The following LAMB4 variants were observed in gnomAD, a reference collection of about 807,000 sequenced individuals.
LAMB4 encodes laminin subunit beta-4.
Under a neutral mutation model 199.2 loss-of-function variants are expected in LAMB4, and 196 were observed. The observed-to-expected ratio is 0.98, with a 90% CI of 0.88 to 1.11. The LOEUF (loss-of-function observed/expected upper bound fraction) is 1.11, where lower values mean the gene tolerates loss of function less well. Among genes scored for constraint, LAMB4 ranks in the 50% least tolerant of loss-of-function variants. The probability of loss-of-function intolerance (pLI) is 0.00; values close to 1 mark genes in which losing one functional copy is unlikely to be tolerated. For missense variants in LAMB4, 2,080 were observed against 2,171.2 expected (o/e 0.96, Z 0.83); for synonymous variants, 744 against 770.6 (o/e 0.97, Z 0.57).
downstream of LAMB4, among the ~76,000 whole-genome samples, chr7:108,020,795 G>C (rs944078411): frequency 1.3e-5 from 2 of 152,186 alleles, no homozygotes; most frequent in African/African-American, 2.4e-5. Flanking sequence ...CTAAGGAAGT[G>C]TGTTTTTACT....
Position 108,111,862 on chromosome 7 carries a change from T to C in LAMB4, c.277A>G (p.Ile93Val), listed in dbSNP as rs973991960. ...QPNSHTIENV[I>V]VSFEPDREKK... ...TCTCTGTCTGGTTCAAAACTTACAA[T>C]GACATTCTCAATGGTGTGGCTGTTG... Residue 93 changes from isoleucine (I) to valine (V), a missense_variant, in exon 4 of 34, where the codon ATT becomes GTT. Coordinates refer to ENST00000388781, the MANE Select transcript of LAMB4 (RefSeq NM_007356.3). The C allele has an allele frequency of 1.2e-6, 2 of 1,612,044 alleles. No homozygotes were observed. The highest frequency in any genetic ancestry group is 2.2e-5 in the East Asian group (1 of 44,742).
Position 108,103,043 on chromosome 7 carries a change from C to T in LAMB4, c.1180+1G>A, listed in dbSNP as rs776821147. 24 of 1,573,718 alleles carry T rather than the reference C, an allele frequency of 1.5e-5. No individual in the cohort carries two copies. The highest frequency in any genetic ancestry group is 1.7e-5 in the Admixed American group (1 of 58,450). ...GGATCCAGGCAGACCCGGGGACTCA[C>T]GAATGCACGCGTAGGGATCTGAGAT... On this transcript the variant is annotated splice_donor_variant, in intron 10 of 33. Coordinates refer to ENST00000388781, the MANE Select transcript of LAMB4 (RefSeq NM_007356.3). LOFTEE classifies it high-confidence loss of function.
At position 108,043,845 on chromosome 7, in the gene LAMB4, G is replaced by A; in HGVS notation, c.4378C>T (p.Leu1460=). 1 of 1,608,512 alleles carries A rather than the reference G, an allele frequency of 6.2e-7. No individual in the cohort carries two copies. Among genetic ancestry groups the A allele is most frequent in the Non-Finnish European group, 8.5e-7 (1 of 1,177,654 alleles). Residue 1460 remains leucine (L), a synonymous_variant, in exon 29 of 34, where the codon CTG becomes TTG. Coordinates refer to ENST00000388781, the MANE Select transcript of LAMB4 (RefSeq NM_007356.3). ...CTTATATTTCCCAGTTTTTCCCTCA[G>A]CTGTAAGGCATTGTTTTTGGAGACT... ...AEVSKNNALQ[L]REKLGNIRNQ...
chr7:108,119,734 A>C (rs558265458), intron 2 of LAMB4, among the ~76,000 whole-genome samples: 1 of 152,322 alleles, frequency 6.6e-6, no homozygotes, highest in South Asian at 2.1e-4. Flanking sequence ...ATAAAATGGC[A>C]TAGACTCAAA....
Position 108,062,783 on chromosome 7 carries a change from G to A in LAMB4, c.3273C>T (p.His1091=), listed in dbSNP as rs1388774109. 5 of 1,431,362 alleles carry A rather than the reference G, an allele frequency of 3.5e-6. No homozygotes were observed. The highest frequency in any genetic ancestry group is 4.6e-6 in the Non-Finnish European group (5 of 1,086,184). 88.7% of individuals were successfully genotyped at this position (1,431,362 alleles called of 1,614,324 possible). ...CTTTAAAGTATCTTGCCTGGTCACA[G>A]TGGCTACTTTGAGAGGTCCTAGGGT... ...DCDPRTSQSS[H]CDQLTGQCPC... The change falls in exon 23 of 34, where the codon CAC becomes CAT. Residue 1091 remains histidine (H), a synonymous_variant. Coordinates refer to ENST00000388781, the MANE Select transcript of LAMB4 (RefSeq NM_007356.3).
intron 30 of LAMB4, among the ~76,000 whole-genome samples, chr7:108,035,459 T>C (rs557308177): frequency 4.1e-4 from 63 of 151,838 alleles, no homozygotes; most frequent in African/African-American, 1.4e-3. Context: ...TGAGAATCAC[T>C]TGAATCTGGG....
At chr7:108,045,636 G>T (rs1358240740) in intron 28 of LAMB4, among the ~76,000 whole-genome samples, 1 of 152,236 alleles carries the variant, frequency 6.6e-6, no homozygotes, top group East Asian at 1.9e-4. Context: ...CTATTTTTTT[G>T]AGAAGGAGCA....
At chr7:108,016,842 G>C in the LAMB4 span, among the ~76,000 whole-genome samples, 2 of 152,138 alleles carry the variant, frequency 1.3e-5, no homozygotes, top group Admixed American at 1.3e-4. Flanking sequence ...CAGTACTAAA[G>C]ATTAGATTTT....
chr7:108,125,245 T>C (rs1335495094), intron 1 of LAMB4, among the ~76,000 whole-genome samples: 1 of 152,198 alleles, frequency 6.6e-6, no homozygotes, highest in Non-Finnish European at 1.5e-5. Flanking sequence ...TTCTAGGTGG[T>C]ACTTTCTTAC....
At chr7:108,054,059 A>G (rs144190203) in intron 25 of LAMB4, among the ~76,000 whole-genome samples, 2,355 of 152,276 alleles carry the variant, frequency 0.015, 70 homozygotes, top group African/African-American at 0.054. Flanking sequence ...GTCTCATTCT[A>G]TCATCCAGAC....
intron 25 of LAMB4, among the ~76,000 whole-genome samples, chr7:108,054,250 G>C (rs1245423529): frequency 6.6e-6 from 1 of 152,124 alleles, no homozygotes; most frequent in African/African-American, 2.4e-5. Context: ...GAAGTCTTTA[G>C]AGAAGTATAG....
At chr7:108,092,910 A>T (rs2037464195) in intron 12 of LAMB4, among the ~76,000 whole-genome samples, 1 of 152,132 alleles carries the variant, frequency 6.6e-6, no homozygotes, top group South Asian at 2.1e-4. Flanking sequence ...TCTCAAAAAA[A>T]TTTTATAAAA....
intron 25 of LAMB4, among the ~76,000 whole-genome samples, chr7:108,053,996 G>T (rs1360974048): frequency 6.6e-6 from 1 of 152,184 alleles, no homozygotes; most frequent in South Asian, 2.1e-4. Flanking sequence ...TAACATAGGG[G>T]TCTAGATCTT....
chr7:108,030,753 TTTCAAAGAAGCC>T, intron 32 of LAMB4, 41 bp downstream of exon 32: 4 of 1,563,236 alleles, frequency 2.6e-6, no homozygotes, highest in Non-Finnish European at 3.5e-6. Flanking sequence ...AAGAACTATC[TTTCAAAGAAGCC>T]CTGCTTTTCT....
intron 31 of LAMB4, among the ~76,000 whole-genome samples, chr7:108,031,575 T>C (rs2035042604): frequency 1.3e-5 from 2 of 152,044 alleles, no homozygotes; most frequent in African/African-American, 4.8e-5. Flanking sequence ...TAGCATTTTT[T>C]CTACAACCTA....
intron 1 of LAMB4, among the ~76,000 whole-genome samples, chr7:108,125,081 T>A (rs571522348): frequency 6.6e-6 from 1 of 152,236 alleles, no homozygotes. Context: ...CCTCCCATAG[T>A]AGCTCCATCA....
At chr7:108,079,192 C>T (rs2036828339) in intron 15 of LAMB4, among the ~76,000 whole-genome samples, 1 of 152,210 alleles carries the variant, frequency 6.6e-6, no homozygotes, top group Non-Finnish European at 1.5e-5. Context: ...TCTCTTGTCG[C>T]AGGGTAAGAT....
In LAMB4 at chr7:108,057,844, C is replaced by T; in HGVS notation, c.3367G>A (p.Gly1123Arg). The change falls in exon 24 of 34, where the codon GGG becomes AGG. Residue 1123 changes from glycine (G) to arginine (R), a missense_variant. Transcript: ENST00000388781. The stretch of plus-strand genomic sequence containing the variant: ...TCCCAATACTTACGAATGCATCGCC[C>T]AGGTGGATCACCATAATAATTTTCC... ...CQENYYGDPPGRCIPCDCNRA... is the reference protein window; with the variant it reads ...CQENYYGDPPRRCIPCDCNRA... The T allele has an allele frequency of 6.2e-7, 1 of 1,610,938 alleles. No homozygotes were observed.
At chr7:108,062,497 G>C (rs540770229) in intron 23 of LAMB4, 12 of 249,712 alleles carry the variant, frequency 4.8e-5, no homozygotes, top group African/African-American at 2.7e-4. Flanking sequence ...AATAGTGAAA[G>C]GTGAGGCTGA....
Sources: gnomAD v4.1 joint callset for allele counts (sites outside exome capture counted in the v4.1 genomes callset) on GRCh38, gnomAD v4.1.1 for gene constraint, MANE v1.5 for transcripts, NCBI Gene and HGNC (gene_info 2026-07-23, HGNC 2026-07-21) for gene names.